COG6: variants seen among roughly 807,000 people sequenced by gnomAD.
The protein encoded by COG6 is conserved oligomeric Golgi complex subunit 6.
Under a neutral mutation model 88.8 loss-of-function variants are expected in COG6, and 74 were observed. The observed-to-expected ratio is 0.83, with a 90% confidence interval of 0.69 to 1.01. The LOEUF is 1.01. COG6 is among the 50% of genes least tolerant of loss of function. The pLI, the probability that COG6 is intolerant of heterozygous loss-of-function variation, is 0.00. For missense variants in COG6, 800 were observed against 797.9 expected (o/e 1.00, Z -0.03); for synonymous variants, 286 against 278.7 (o/e 1.03, Z -0.26).
chr13:39,659,072 AATTT>A (rs1874718822), intron 1 of COG6, among the ~76,000 whole-genome samples: 3 of 152,124 alleles, frequency 2.0e-5, no homozygotes, highest in African/African-American at 7.2e-5. Context: ...AGTATATCAT[AATTT>A]ATTTAACCAA....
exon 19 of COG6, chr13:39,791,423 A>G (rs1169445555): frequency 6.6e-6 from 1 of 152,064 alleles, no homozygotes; most frequent in Non-Finnish European, 1.5e-5. Context: ...GATTATGTCT[A>G]TGGGTATTTT....
chr13:39,754,459 G>A (rs1215138167), downstream of COG6, among the ~76,000 whole-genome samples: 1 of 152,134 alleles, frequency 6.6e-6, no homozygotes, highest in Non-Finnish European at 1.5e-5. Flanking sequence ...TAAGATTATG[G>A]AGAGGGAAAC....
intron 18 of COG6, among the ~76,000 whole-genome samples, chr13:39,745,314 A>G (rs1003283918): frequency 1.3e-5 from 2 of 152,214 alleles, no homozygotes; most frequent in Admixed American, 1.3e-4. Flanking sequence ...AACCTACAGA[A>G]TGGGAAAAAA....
intron 18 of COG6, among the ~76,000 whole-genome samples, chr13:39,748,473 G>A (rs1880455579): frequency 6.6e-6 from 1 of 152,012 alleles, no homozygotes; most frequent in African/African-American, 2.4e-5. Flanking sequence ...AAATTAGGCA[G>A]GCATGGTGGT....
At chr13:39,728,774 C>T (rs1169562145) in intron 18 of COG6, among the ~76,000 whole-genome samples, 1 of 151,818 alleles carries the variant, frequency 6.6e-6, no homozygotes, top group African/African-American at 2.4e-5. Flanking sequence ...AAGCGATTCT[C>T]CTGCCTCAGC....
intron 18 of COG6, among the ~76,000 whole-genome samples, chr13:39,734,192 A>C (rs557455238): frequency 1.3e-5 from 2 of 152,104 alleles, no homozygotes; most frequent in South Asian, 4.1e-4. Context: ...ATGTATCATT[A>C]GGTTGTTTAT....
At chr13:39,739,429 T>C (rs1317365982) in intron 18 of COG6, among the ~76,000 whole-genome samples, 1 of 151,944 alleles carries the variant, frequency 6.6e-6, no homozygotes, top group African/African-American at 2.4e-5. Flanking sequence ...ACAGGCAAAA[T>C]TGAATTCAGG....
At chr13:39,736,836 A>G (rs995640136) in intron 18 of COG6, among the ~76,000 whole-genome samples, 3 of 152,028 alleles carry the variant, frequency 2.0e-5, no homozygotes, top group African/African-American at 7.2e-5. Flanking sequence ...TGCCTTGTTT[A>G]ATTTGTTTGG....
intron 18 of COG6, among the ~76,000 whole-genome samples, chr13:39,732,132 A>T (rs1440764373): frequency 2.0e-5 from 3 of 152,204 alleles, no homozygotes; most frequent in African/African-American, 7.2e-5. Flanking sequence ...TCCTGTGGAA[A>T]CACCCTCACA....
downstream of COG6, among the ~76,000 whole-genome samples, chr13:39,754,465 G>A (rs1442641358): frequency 6.6e-6 from 1 of 152,140 alleles, no homozygotes; most frequent in African/African-American, 2.4e-5. Flanking sequence ...TATGGAGAGG[G>A]AAACACAGGA....
chr13:39,761,728 C>T (rs2138164705), intron 18 of COG6, among the ~76,000 whole-genome samples: 1 of 150,680 alleles, frequency 6.6e-6, no homozygotes, highest in South Asian at 2.1e-4. Context: ...GCCAAATAAA[C>T]ATCTCTGAAA....
chr13:39,706,261 A>ATATATATATATATATATATATACTCATT (rs1316496387), intron 13 of COG6, among the ~76,000 whole-genome samples: 1 of 137,668 alleles, frequency 7.3e-6, no homozygotes, highest in Non-Finnish European at 1.6e-5. Flanking sequence ...TCCTTTATAT[A>ATATATATATATATATATATATACTCATT]TATATATATA....
At chr13:39,732,739 G>A (rs565436120) in intron 18 of COG6, among the ~76,000 whole-genome samples, 39 of 152,080 alleles carry the variant, frequency 2.6e-4, no homozygotes, top group Non-Finnish European at 4.4e-4. Context: ...GAAAATAGAT[G>A]GAGTCTTAGA....
Position 39,713,476 on chromosome 13 carries a change from C to T in COG6, c.1285-5760C>T, listed in dbSNP as rs541085592. ...CTTGGCCAGGTGCGGTGGCTCACGC[C>T]TGTAATCCCAGGACTTTGGGAGGTC... On this transcript the variant is annotated intron_variant, in intron 13 of 18. Transcript: ENST00000455146. 1.9e-4 allele frequency among the ~76,000 whole-genome samples: 29 copies of T among 152,302 alleles called. 1 individual carries two copies. The highest frequency in any genetic ancestry group is 7.0e-4 in the African/African-American group (29 of 41,578).
downstream of COG6, among the ~76,000 whole-genome samples, chr13:39,756,565 G>A (rs532709011): frequency 5.1e-4 from 78 of 152,210 alleles, 1 homozygote; most frequent in East Asian, 5.8e-4. Flanking sequence ...TATGTACACT[G>A]GGACACATCA....
chr13:39,679,727 T>G (rs947294725), intron 6 of COG6, 107 bp downstream of exon 6: 7 of 780,240 alleles, frequency 9.0e-6, no homozygotes, highest in African/African-American at 8.6e-5. Flanking sequence ...AAATAGAAGT[T>G]TAATCTTTAT....
At chr13:39,721,449 C>G (rs1163363538) in intron 15 of COG6, among the ~76,000 whole-genome samples, 1 of 152,068 alleles carries the variant, frequency 6.6e-6, no homozygotes, top group Non-Finnish European at 1.5e-5. Context: ...AATTCAGGTT[C>G]CCCTTTCTCC....
At chr13:39,731,581 G>T (rs1468063384) in intron 18 of COG6, among the ~76,000 whole-genome samples, 13 of 152,080 alleles carry the variant, frequency 8.5e-5, no homozygotes, top group Admixed American at 8.5e-4. Flanking sequence ...AATAACTTAA[G>T]AAATAAAGAG....
intron 18 of COG6, among the ~76,000 whole-genome samples, chr13:39,787,721 T>G (rs1427946850): frequency 6.6e-6 from 1 of 152,112 alleles, no homozygotes; most frequent in Non-Finnish European, 1.5e-5. Context: ...TTGAAAATAT[T>G]TGGGAAAAAA....
Sources: gnomAD v4.1 joint callset for allele counts (sites outside exome capture counted in the v4.1 genomes callset) on GRCh38, gnomAD v4.1.1 for gene constraint, MANE v1.5 for transcripts, NCBI Gene and HGNC (gene_info 2026-07-23, HGNC 2026-07-21) for gene names.